Variants in POLA1 observed in about 807,000 individuals in gnomAD.
POLA1 encodes DNA polymerase alpha 1, catalytic subunit.
In POLA1, 15 loss-of-function variants were observed where a neutral mutation model predicts 124.0. That is an observed-to-expected ratio of 0.12 (90% CI 0.08 to 0.19). The LOEUF (loss-of-function observed/expected upper bound fraction) is 0.19, where lower values mean the gene tolerates loss of function less well. POLA1 is among the 10% of genes least tolerant of loss of function. The pLI is 1.00. For synonymous variants in POLA1, 408 were observed against 389.4 expected, an observed-to-expected ratio of 1.05 and a Z score of -0.56; for missense variants, 886 against 1,103.4, an observed-to-expected ratio of 0.80 and a Z score of 2.79.
intron 28 of POLA1, among the ~76,000 whole-genome samples, chrX:24,812,332 A>G (rs2045916747): frequency 8.9e-6 from 1 of 112,441 alleles, no homozygotes; most frequent in South Asian, 3.7e-4. Flanking sequence ...GTATGTATGC[A>G]TTAAGTCTTT....
intron 20 of POLA1, 43 bp downstream of exon 20, chrX:24,739,593 A>G (rs1331593631): frequency 6.8e-6 from 6 of 885,665 alleles, no homozygotes; most frequent in African/African-American, 6.0e-5. Flanking sequence ...CTTGAAATTA[A>G]CAACAGCAGG....
chrX:24,837,305 A>G (rs1206964763), intron 32 of POLA1, among the ~76,000 whole-genome samples: 1 of 111,808 alleles, frequency 8.9e-6, no homozygotes, highest in Non-Finnish European at 1.9e-5. Context: ...AGTATAAGTT[A>G]GTTTTGCCTA....
chrX:24,694,655 C>T (rs1474672352), intron 1 of POLA1, among the ~76,000 whole-genome samples: 1 of 112,102 alleles, frequency 8.9e-6, no homozygotes, highest in Non-Finnish European at 1.9e-5. Flanking sequence ...GTATATCACT[C>T]CGTTTGTCAG....
intron 23 of POLA1, among the ~76,000 whole-genome samples, chrX:24,744,824 G>A (rs1257951356): frequency 3.7e-5 from 4 of 107,818 alleles, no homozygotes; most frequent in Non-Finnish European, 5.7e-5. Flanking sequence ...GGTGTTGCGC[G>A]CCTGTAGTCC....
chrX:24,885,759 C>T (rs961595568), intron 34 of POLA1, among the ~76,000 whole-genome samples: 7 of 111,797 alleles, frequency 6.3e-5, no homozygotes, highest in East Asian at 2.8e-4. Context: ...CTCCTGACCT[C>T]GTGATCTGCC....
intron 35 of POLA1, among the ~76,000 whole-genome samples, chrX:24,923,320 G>A (rs1054112382): frequency 2.7e-5 from 3 of 111,109 alleles, no homozygotes; most frequent in Admixed American, 9.6e-5. Flanking sequence ...TTCACTTTAG[G>A]TTTTGTTTAA....
intron 10 of POLA1, 51 bp from the exon 11 acceptor site, chrX:24,723,104 T>G: frequency 1.2e-6 from 1 of 860,668 alleles, no homozygotes; most frequent in Non-Finnish European, 1.7e-6. Context: ...TTCCTTTAAT[T>G]AGGTGAAATT....
At position 24,971,020 on chromosome X, in the gene POLA1, A is replaced by C. The variant is rs778710437; in HGVS notation, c.4262-24785A>C. Among the ~76,000 whole-genome samples, 4 of 112,799 alleles carry C rather than the reference A, an allele frequency of 3.5e-5. No homozygotes were observed. The South Asian group carries it at 1.5e-3, about 41-fold the overall frequency. On this transcript the variant is annotated intron_variant, in intron 36 of 36. Coordinates refer to ENST00000379068, the MANE Select transcript of POLA1 (RefSeq NM_001330360.2). ...GGGCTAATGTCCACCCAACTAGCAAATATTAGTAAATCTCAGGATCTTTGT... is the reference window on the plus strand; with the variant it reads ...GGGCTAATGTCCACCCAACTAGCAACTATTAGTAAATCTCAGGATCTTTGT...
intron 26 of POLA1, among the ~76,000 whole-genome samples, chrX:24,785,712 A>G (rs752897732): frequency 8.9e-5 from 10 of 112,220 alleles, no homozygotes; most frequent in South Asian, 3.7e-4. Flanking sequence ...AAGGTGTACA[A>G]TGTGATGATT....
At chrX:24,700,697 C>T (rs955592720) in intron 2 of POLA1, among the ~76,000 whole-genome samples, 9 of 111,458 alleles carry the variant, frequency 8.1e-5, no homozygotes, top group Middle Eastern at 4.2e-3. Flanking sequence ...TTAGTAGAGA[C>T]GGGCTTTCAC....
chrX:24,936,002 C>T (rs2047843928), intron 36 of POLA1, among the ~76,000 whole-genome samples: 1 of 112,554 alleles, frequency 8.9e-6, no homozygotes, highest in Non-Finnish European at 1.9e-5. Context: ...TTAAATTGAA[C>T]TGAAAGAATA....
chrX:24,793,831 C>T (rs867266829), intron 26 of POLA1, among the ~76,000 whole-genome samples: 7 of 110,529 alleles, frequency 6.3e-5, no homozygotes, highest in Non-Finnish European at 9.5e-5. Context: ...GTGATCCGCC[C>T]GCGCCAGTCT....
At chrX:24,830,038 T>G (rs1569329838) in intron 32 of POLA1, among the ~76,000 whole-genome samples, 1 of 112,200 alleles carries the variant, frequency 8.9e-6, no homozygotes, top group East Asian at 2.8e-4. Context: ...ATTGTAGTAT[T>G]GAAACTTTAG....
chrX:24,897,478 C>A (rs956072678), intron 35 of POLA1, among the ~76,000 whole-genome samples: 3 of 110,268 alleles, frequency 2.7e-5, no homozygotes, highest in African/African-American at 6.6e-5. Context: ...GATCCAGTGC[C>A]TGGAACTCAG....
At chrX:24,744,556 C>G (rs755933517) in intron 23 of POLA1, 17 of 353,140 alleles carry the variant, frequency 4.8e-5, no homozygotes, top group South Asian at 4.4e-4. Flanking sequence ...GTGGGTCGTT[C>G]CACTACTGAC....
At chrX:24,710,460 C>A (rs1305897982) in intron 4 of POLA1, among the ~76,000 whole-genome samples, 1 of 111,963 alleles carries the variant, frequency 8.9e-6, no homozygotes, top group Non-Finnish European at 1.9e-5. Context: ...ATCAGTACTT[C>A]ATTCCTTTTT....
chrX:24,970,503 A>G (rs1380337698), intron 36 of POLA1, among the ~76,000 whole-genome samples: 1 of 112,012 alleles, frequency 8.9e-6, no homozygotes, highest in Non-Finnish European at 1.9e-5. Flanking sequence ...AGAAACTATC[A>G]TCAGAGTGAA....
intron 26 of POLA1, chrX:24,775,419 C>G (rs1179191334): frequency 8.9e-6 from 1 of 111,816 alleles, no homozygotes; most frequent in African/African-American, 3.3e-5. Flanking sequence ...CTTTTGTAGC[C>G]GTATTAATTT....
chrX:24,869,749 A>C (rs1352181615), intron 34 of POLA1, among the ~76,000 whole-genome samples: 1 of 110,541 alleles, frequency 9.0e-6, no homozygotes, highest in Non-Finnish European at 1.9e-5. Flanking sequence ...CCTTTCTTCT[A>C]CCTCTTTCCT....
Sources: gnomAD v4.1 joint callset for allele counts (sites outside exome capture counted in the v4.1 genomes callset) on GRCh38, gnomAD v4.1.1 for gene constraint, MANE v1.5 for transcripts, NCBI Gene and HGNC (gene_info 2026-07-23, HGNC 2026-07-21) for gene names.